Variants in MBTD1 observed in about 807,000 individuals in gnomAD.
The protein encoded by MBTD1 is mbt domain containing 1, also known as MBT domain-containing protein 1.
A neutral mutation model predicts 87.8 loss-of-function variants in MBTD1; 24 were observed. That is an observed-to-expected ratio of 0.27 (90% CI 0.20 to 0.38). The LOEUF (loss-of-function observed/expected upper bound fraction) is 0.38. Ranked by LOEUF, MBTD1 falls within the 10% of genes least tolerant of loss-of-function variation. The pLI is 1.00. For synonymous variants in MBTD1, 237 were observed against 248.6 expected, an observed-to-expected ratio of 0.95 and a Z score of 0.44; for missense variants, 436 against 760.2, an observed-to-expected ratio of 0.57 and a Z score of 5.02.
chr17:51,234,936 T>A (rs1234629641), intron 2 of MBTD1, among the ~76,000 whole-genome samples: 10 of 152,160 alleles, frequency 6.6e-5, no homozygotes, highest in Admixed American at 6.6e-4. Flanking sequence ...ACTCAGGTGA[T>A]CTGCCCACCT....
chr17:51,193,694 C>A (rs1234379551), intron 13 of MBTD1, among the ~76,000 whole-genome samples, 184 bp from the exon 14 acceptor site: 1 of 152,220 alleles, frequency 6.6e-6, no homozygotes, highest in Admixed American at 6.5e-5. Flanking sequence ...CAAAGGCTTA[C>A]TGCAGCCTCA....
chr17:51,238,898 G>C (rs889461127), intron 2 of MBTD1, among the ~76,000 whole-genome samples: 1 of 152,036 alleles, frequency 6.6e-6, no homozygotes, highest in Non-Finnish European at 1.5e-5. Flanking sequence ...TCAGGAGTTC[G>C]AGACCAGCCT....
chr17:51,209,139 C>T (rs1156963887), intron 6 of MBTD1, among the ~76,000 whole-genome samples: 1 of 152,192 alleles, frequency 6.6e-6, no homozygotes, highest in Non-Finnish European at 1.5e-5. Context: ...TATGTCTGCC[C>T]TTTTGTTTAA....
In MBTD1 at chr17:51,259,938, G is replaced by A; in HGVS notation, c.-216C>T. 8.3e-7 allele frequency: 1 copy of A among 1,201,598 alleles called. No homozygotes were observed. Among genetic ancestry groups the A allele is most frequent in the Non-Finnish European group, 1.0e-6 (1 of 960,214 alleles). The allele number at this position is 1,201,598 out of a possible 1,614,324, so 74.4% of individuals were successfully genotyped here. A position where few individuals can be genotyped will look rare whatever the true frequency, so the allele number is the denominator to read the frequency against. On this transcript the variant is annotated 5_prime_UTR_variant, in exon 1 of 17. Transcript: ENST00000586178. Reference sequence around the variant, plus strand: ...GGGCTGGGGGCAGGTGCCTCTCCCCGGGACTGCGGCGACTACAGGGGGCCC... The same window carrying A: ...GGGCTGGGGGCAGGTGCCTCTCCCCAGGACTGCGGCGACTACAGGGGGCCC...
At position 51,194,566 on chromosome 17, in the gene MBTD1, C is replaced by CAAAAAAAAAAA. The variant is rs71355733; in HGVS notation, c.1372+637_1372+647dup. 5.1e-4 allele frequency among the ~76,000 whole-genome samples: 10 copies of CAAAAAAAAAAA among 19,734 alleles called. 3 individuals carry two copies. The highest frequency in any genetic ancestry group is 1.3e-3 in the African/African-American group (5 of 3,804). The allele number at this position is 19,734 out of a possible 152,430, so 12.9% of individuals were successfully genotyped here. On this transcript the variant is annotated intron_variant, in intron 13 of 16. Coordinates refer to ENST00000586178, the MANE Select transcript of MBTD1 (RefSeq NM_017643.3). Reference sequence around the variant, plus strand: ...CCTGGGTGACAGAGCGAGACTGTCTCAAAAAAAAAAAAAAAAAAAAAAAAA... The same window carrying CAAAAAAAAAAA: ...CCTGGGTGACAGAGCGAGACTGTCTCAAAAAAAAAAAAAAAAAAAAAAAAAAAAAAAAAAAA...
chr17:51,208,327 C>T (rs548116799), intron 6 of MBTD1, among the ~76,000 whole-genome samples: 1 of 152,122 alleles, frequency 6.6e-6, no homozygotes, highest in Non-Finnish European at 1.5e-5. Flanking sequence ...CAACTATTTG[C>T]GGTTCTGGAA....
intron 6 of MBTD1, among the ~76,000 whole-genome samples, chr17:51,212,282 C>T (rs1369929272): frequency 2.7e-5 from 4 of 150,936 alleles, no homozygotes; most frequent in Admixed American, 6.6e-5. Flanking sequence ...TGATTGAACC[C>T]GGGAAGCAGA....
intron 2 of MBTD1, among the ~76,000 whole-genome samples, chr17:51,237,311 A>C (rs943936607): frequency 2.0e-5 from 3 of 151,460 alleles, no homozygotes; most frequent in Non-Finnish European, 4.4e-5. Context: ...AAAAAAAAAA[A>C]AAAAGAAAAA....
intron 7 of MBTD1, among the ~76,000 whole-genome samples, chr17:51,206,512 T>C (rs2051846002): frequency 6.6e-6 from 1 of 152,158 alleles, no homozygotes; most frequent in South Asian, 2.1e-4. Context: ...ATGGCTGTGA[T>C]CTAAGAATTA....
At chr17:51,224,319 G>C (rs1453619495) in intron 3 of MBTD1, among the ~76,000 whole-genome samples, 4 of 152,198 alleles carry the variant, frequency 2.6e-5, no homozygotes, top group African/African-American at 9.7e-5. Context: ...GTATGCCTTA[G>C]AGATAAACTA....
At chr17:51,233,985 A>G (rs1334151533) in intron 2 of MBTD1, among the ~76,000 whole-genome samples, 1 of 152,140 alleles carries the variant, frequency 6.6e-6, no homozygotes, top group African/African-American at 2.4e-5. Context: ...GAAAAAAGGA[A>G]AAAAAAAGAA....
intron 2 of MBTD1, among the ~76,000 whole-genome samples, chr17:51,236,057 A>G (rs927183402): frequency 3.3e-5 from 5 of 152,164 alleles, no homozygotes; most frequent in Non-Finnish European, 5.9e-5. Context: ...GTCTATATAT[A>G]GATATCTATA....
intron 2 of MBTD1, among the ~76,000 whole-genome samples, chr17:51,240,341 T>C (rs966836804): frequency 6.6e-6 from 1 of 152,198 alleles, no homozygotes; most frequent in African/African-American, 2.4e-5. Flanking sequence ...TTTTCTCTGT[T>C]CCAAGATCCC....
upstream of MBTD1, chr17:51,260,605 A>G: frequency 1.2e-6 from 2 of 1,612,452 alleles, no homozygotes; most frequent in Non-Finnish European, 1.7e-6. Flanking sequence ...AGCGGAGGAG[A>G]CGAATGAAAC....
chr17:51,234,617 C>T (rs918655470), intron 2 of MBTD1, among the ~76,000 whole-genome samples: 6 of 152,142 alleles, frequency 3.9e-5, no homozygotes, highest in African/African-American at 1.4e-4. Context: ...TAAAGATCTT[C>T]CCACAAATGA....
Position 51,225,342 on chromosome 17 carries a change from T to C in MBTD1, c.-48-133A>G, listed in dbSNP as rs2053149261. The C allele has an allele frequency of 1.0e-5, 4 of 388,054 alleles. No individual in the cohort carries two copies. The South Asian group carries it at 2.0e-4, about 19-fold the overall frequency. The allele number at this position is 388,054 out of a possible 1,614,324, so 24.0% of individuals were successfully genotyped here. On this transcript the variant is annotated intron_variant, in intron 2 of 16. Coordinates refer to ENST00000586178, the MANE Select transcript of MBTD1 (RefSeq NM_017643.3). The stretch of plus-strand genomic sequence containing the variant: ...CCCTGAGAAATAACCATTTTCTTTC[T>C]TTTTTTTTTCTTTTTTTAAAAAATG...
chr17:51,236,491 C>T lies in MBTD1; in HGVS notation c.-48-11282G>A, dbSNP rs146126388. Among the ~76,000 whole-genome samples the T allele has an allele frequency of 1.1e-3, 162 of 152,240 alleles. 1 individual carries two copies. Among genetic ancestry groups the T allele is most frequent in the African/African-American group, 3.5e-3 (145 of 41,534 alleles). ...AACACCTGGCCTCAAGTCATCTGCC[C>T]GCCTCAGCTTTCCAAAGTGCTGGGA... On this transcript the variant is annotated intron_variant, in intron 2 of 16. Coordinates refer to ENST00000586178, the MANE Select transcript of MBTD1 (RefSeq NM_017643.3).
chr17:51,214,114 C>T (rs1288734988), intron 6 of MBTD1, among the ~76,000 whole-genome samples: 3 of 130,666 alleles, frequency 2.3e-5, no homozygotes, highest in Non-Finnish European at 3.3e-5. Context: ...TATATATGCA[C>T]ATCATATATA....
chr17:51,260,621 C>T (rs747351139), upstream of MBTD1: 7 of 1,612,504 alleles, frequency 4.3e-6, no homozygotes, highest in South Asian at 5.5e-5. Context: ...GAAACTGGAC[C>T]GGAGAACCGG....
Sources: allele counts gnomAD v4.1 joint callset (sites outside exome capture counted in the v4.1 genomes callset), GRCh38; gene constraint gnomAD v4.1.1; transcripts MANE v1.5; gene names NCBI Gene and HGNC (gene_info 2026-07-23, HGNC 2026-07-21).